Variants in RGS6 observed in about 807,000 individuals in gnomAD.
The protein encoded by RGS6 is regulator of G protein signaling 6, also known as regulator of G-protein signaling 6.
Under a neutral mutation model 78.5 loss-of-function variants are expected in RGS6, and 30 were observed. The observed-to-expected ratio is 0.38, with a 90% CI of 0.29 to 0.52. RGS6 has a LOEUF of 0.52. Ranked by LOEUF, RGS6 falls within the 20% of genes least tolerant of loss-of-function variation. The pLI is 0.85. For synonymous variants in RGS6, 206 were observed against 206.0 expected (o/e 1.00, Z 0.00); for missense variants, 495 against 609.7 (o/e 0.81, Z 1.98).
At chr14:72,052,828 A>T (rs1411570082) in intron 2 of RGS6, among the ~76,000 whole-genome samples, 4 of 152,200 alleles carry the variant, frequency 2.6e-5, no homozygotes, top group Non-Finnish European at 5.9e-5. Flanking sequence ...TTTTAAACTT[A>T]GGGATCAAGT....
intron 3 of RGS6, among the ~76,000 whole-genome samples, chr14:72,398,012 C>G (rs1372710554): frequency 1.3e-5 from 2 of 152,074 alleles, no homozygotes; most frequent in African/African-American, 4.8e-5. Context: ...CTAATATTCT[C>G]TTTTTATGTG....
intron 3 of RGS6, among the ~76,000 whole-genome samples, chr14:72,431,211 A>G (rs962172104): frequency 5.3e-5 from 8 of 152,068 alleles, no homozygotes; most frequent in Non-Finnish European, 2.9e-5. Flanking sequence ...TAGCAGCAGA[A>G]CTCTTCAATA....
chr14:72,071,274 TTAAC>T (rs1391541940), intron 2 of RGS6, among the ~76,000 whole-genome samples: 14 of 152,370 alleles, frequency 9.2e-5, no homozygotes, highest in Middle Eastern at 3.4e-3. Context: ...TCAACACAAT[TTAAC>T]TATTCAGATT....
At position 72,445,409 on chromosome 14, in the gene RGS6, C is replaced by T. The variant is rs1027433996; in HGVS notation, c.185-9119C>T. On this transcript the variant is annotated intron_variant, in intron 3 of 17. Transcript: ENST00000553525. ...TTCACCATGTTGGCCAGGCTGGTCT[C>T]GAACTCCTGACCTCAGGCAATCCAC... Among the ~76,000 whole-genome samples the T allele has an allele frequency of 1.1e-3, 161 of 152,128 alleles. 2 individuals carry two copies. The highest frequency in any genetic ancestry group is 3.1e-3 in the African/African-American group (127 of 41,498).
chr14:72,090,106 C>T (rs974153848), intron 2 of RGS6, among the ~76,000 whole-genome samples: 1 of 131,350 alleles, frequency 7.6e-6, no homozygotes, highest in African/African-American at 3.0e-5. Context: ...GAGCAAGACT[C>T]CATCTCAAAA....
chr14:72,335,604 C>T (rs2075881682), intron 2 of RGS6, among the ~76,000 whole-genome samples: 1 of 152,116 alleles, frequency 6.6e-6, no homozygotes, highest in South Asian at 2.1e-4. Flanking sequence ...AACAAGCACA[C>T]TGTTTTTAAC....
At chr14:72,272,660 A>G (rs2060116252) in intron 2 of RGS6, among the ~76,000 whole-genome samples, 2 of 152,208 alleles carry the variant, frequency 1.3e-5, no homozygotes, top group African/African-American at 2.4e-5. Context: ...GCCCAGCCCC[A>G]TCATCCTGTC....
chr14:72,554,628 C>A (rs8013120), intron 17 of RGS6, among the ~76,000 whole-genome samples: 1,707 of 152,164 alleles, frequency 0.011, 33 homozygotes, highest in African/African-American at 0.039. Context: ...GAAGGCATGC[C>A]ACCGAGAGGC....
At chr14:72,370,291 T>C (rs1230097362) in intron 3 of RGS6, among the ~76,000 whole-genome samples, 1 of 152,206 alleles carries the variant, frequency 6.6e-6, no homozygotes, top group Non-Finnish European at 1.5e-5. Flanking sequence ...GGACATTTGG[T>C]AATCCAAGAG....
intron 2 of RGS6, among the ~76,000 whole-genome samples, chr14:72,085,951 G>A (rs373516575): frequency 3.8e-4 from 57 of 150,322 alleles, no homozygotes; most frequent in Admixed American, 1.5e-3. Flanking sequence ...TTGTTTCCTC[G>A]TTATAATGAG....
At chr14:71,949,416 CTGA>C (rs796130780) in intron 1 of RGS6, among the ~76,000 whole-genome samples, 21 of 152,196 alleles carry the variant, frequency 1.4e-4, no homozygotes, top group East Asian at 5.8e-4. Context: ...TTTCTGGTGA[CTGA>C]TGATGATGTG....
At chr14:72,574,782 G>T in the RGS6 span, among the ~76,000 whole-genome samples, 1 of 152,210 alleles carries the variant, frequency 6.6e-6, no homozygotes, top group African/African-American at 2.4e-5. Flanking sequence ...CCTGCTGAGG[G>T]TGCAGTGGGT....
intron 13 of RGS6, among the ~76,000 whole-genome samples, chr14:72,499,361 C>T (rs2096688469): frequency 6.6e-6 from 1 of 152,216 alleles, no homozygotes; most frequent in Non-Finnish European, 1.5e-5. Context: ...ACCCTTTTGG[C>T]CATGTGGAAC....
chr14:72,540,334 C>A (rs948678372), intron 17 of RGS6: 66 of 1,464,248 alleles, frequency 4.5e-5, no homozygotes, highest in Admixed American at 1.9e-4. Context: ...GATCGCCCAG[C>A]CTCAGGCCTG....
At chr14:72,311,334 C>G (rs895097419) in intron 2 of RGS6, among the ~76,000 whole-genome samples, 1 of 152,162 alleles carries the variant, frequency 6.6e-6, no homozygotes, top group Non-Finnish European at 1.5e-5. Context: ...CAGATTCTTA[C>G]ATTTTTTAAA....
chr14:72,273,508 C>T (rs1038569320), intron 2 of RGS6, among the ~76,000 whole-genome samples: 36 of 152,106 alleles, frequency 2.4e-4, no homozygotes, highest in Non-Finnish European at 7.4e-5. Context: ...AGGAAATAAA[C>T]GACACTGTGC....
In RGS6 at chr14:72,009,819, A is replaced by G. The variant is rs142306314; in HGVS notation, c.84+44944A>G. Among the ~76,000 whole-genome samples, 140 of 152,358 alleles carry G rather than the reference A, an allele frequency of 9.2e-4. 2 individuals are homozygous for G. The highest frequency in any genetic ancestry group is 3.2e-3 in the African/African-American group (135 of 41,598). On this transcript the variant is annotated intron_variant, in intron 2 of 17. Coordinates refer to ENST00000553525, the MANE Select transcript of RGS6 (RefSeq NM_001204424.2). ...TTTCTCTCTTCCCAGCATTTAGTTT[A>G]GTGTCTTGGAACATAGGTGTTAAAG...
At chr14:71,996,953 G>C (rs2095228714) in intron 2 of RGS6, among the ~76,000 whole-genome samples, 1 of 152,132 alleles carries the variant, frequency 6.6e-6, no homozygotes, top group African/African-American at 2.4e-5. Context: ...TGAATGGTGA[G>C]AATAACATAG....
At chr14:72,434,998 T>G (rs1019701525) in intron 3 of RGS6, among the ~76,000 whole-genome samples, 5 of 152,224 alleles carry the variant, frequency 3.3e-5, no homozygotes, top group Admixed American at 2.6e-4. Context: ...GACTGATAGC[T>G]GAGTGAGTTC....
Sources: gnomAD v4.1 joint callset for allele counts (sites outside exome capture counted in the v4.1 genomes callset) on GRCh38, gnomAD v4.1.1 for gene constraint, MANE v1.5 for transcripts, NCBI Gene and HGNC (gene_info 2026-07-23, HGNC 2026-07-21) for gene names.